PTPRM: variants seen among roughly 807,000 people sequenced by gnomAD.
PTPRM encodes the protein receptor-type tyrosine-protein phosphatase mu.
In PTPRM, 47 loss-of-function variants were observed where a neutral mutation model predicts 186.7. The ratio of observed to expected loss-of-function variants is 0.25; its 90% CI spans 0.20 to 0.32. The LOEUF (loss-of-function observed/expected upper bound fraction) is 0.32. PTPRM is among the 10% of genes least tolerant of loss of function. PTPRM has a pLI of 1.00. For missense variants in PTPRM, 1,494 were observed against 1,865.0 expected, an observed-to-expected ratio of 0.80 and a Z score of 3.66; for synonymous variants, 668 against 674.9, an observed-to-expected ratio of 0.99 and a Z score of 0.16.
rs1224345984 is a variant in PTPRM, at chr18:8,143,722, C to T, written c.2243C>T (p.Ala748Val). 9 of 1,613,860 alleles carry T rather than the reference C, an allele frequency of 5.6e-6. No homozygotes were observed. The highest frequency in any genetic ancestry group is 1.7e-5 in the Admixed American group (1 of 60,014). The part of the protein sequence containing the change: ...DHTVKIAGVI[A>V]GILLFVIIFL... ...ACAGTTAAAATTGCTGGAGTCATCG[C>T]GGGCATCTTGCTGTTCGTGATTATA... Residue 748 changes from alanine (A) to valine (V), a missense_variant, in exon 14 of 33, where the codon GCG becomes GTG. This residue lies in a region of PTPRM where 1,107 missense variants were observed against 1,350.2 expected (regional missense o/e 0.82). Transcript: ENST00000580170.
At chr18:8,296,009 G>GA (rs2095093129) in intron 19 of PTPRM, among the ~76,000 whole-genome samples, 1 of 152,064 alleles carries the variant, frequency 6.6e-6, no homozygotes, top group South Asian at 2.1e-4. Flanking sequence ...CAAGAATATT[G>GA]AAAAATGACA....
chr18:8,317,285 G>A (rs1323538870), intron 21 of PTPRM, among the ~76,000 whole-genome samples: 2 of 152,094 alleles, frequency 1.3e-5, no homozygotes, highest in Non-Finnish European at 1.5e-5. Context: ...TTGGCTACGG[G>A]GTTCAGGAGG....
At chr18:7,849,051 G>A (rs983642140) in intron 2 of PTPRM, among the ~76,000 whole-genome samples, 3 of 152,136 alleles carry the variant, frequency 2.0e-5, no homozygotes, top group African/African-American at 2.4e-5. Context: ...ACAGGGGAAC[G>A]CATAGCAAAT....
chr18:8,400,636 C>T (rs1002432977), intron 32 of PTPRM, among the ~76,000 whole-genome samples: 4 of 152,188 alleles, frequency 2.6e-5, no homozygotes, highest in Admixed American at 1.3e-4. Flanking sequence ...TACTCCAGAG[C>T]CAGGCCCCAT....
At chr18:8,240,550 GAAAGAAGGAAAGAAAGAAAGA>G (rs1202369304) in intron 14 of PTPRM, among the ~76,000 whole-genome samples, 1 of 114,976 alleles carries the variant, frequency 8.7e-6, no homozygotes, top group Non-Finnish European at 1.8e-5. Context: ...AGGAAGGAAG[GAAAGAAGGAAAGAAAGAAAGA>G]AATTGAAAGT....
chr18:7,703,897 T>C (rs1455697829), intron 1 of PTPRM, among the ~76,000 whole-genome samples: 2 of 152,230 alleles, frequency 1.3e-5, no homozygotes, highest in Non-Finnish European at 2.9e-5. Context: ...TGTTGAATTT[T>C]ATCAAAGGCT....
chr18:7,577,065 A>C (rs929669339), intron 1 of PTPRM, among the ~76,000 whole-genome samples: 1 of 152,098 alleles, frequency 6.6e-6, no homozygotes, highest in Non-Finnish European at 1.5e-5. Context: ...AAATCAAATA[A>C]CTTATGCTTA....
intron 7 of PTPRM, among the ~76,000 whole-genome samples, chr18:8,015,591 T>G (rs750289080): frequency 3.9e-5 from 6 of 152,196 alleles, no homozygotes; most frequent in Non-Finnish European, 8.8e-5. Flanking sequence ...TTGATAGGGC[T>G]TACTATACTT....
chr18:8,052,556 G>A (rs2087584571), intron 7 of PTPRM, among the ~76,000 whole-genome samples: 1 of 152,102 alleles, frequency 6.6e-6, no homozygotes, highest in African/African-American at 2.4e-5. Flanking sequence ...GTTTGGGTAA[G>A]TGCACTCTAT....
At chr18:8,219,905 T>C (rs569878984) in intron 14 of PTPRM, among the ~76,000 whole-genome samples, 1 of 152,230 alleles carries the variant, frequency 6.6e-6, no homozygotes, top group Non-Finnish European at 1.5e-5. Flanking sequence ...CCACAAAGAG[T>C]ATGTTTAGTC....
intron 14 of PTPRM, among the ~76,000 whole-genome samples, chr18:8,190,896 G>T (rs564380167): frequency 6.6e-6 from 1 of 152,164 alleles, no homozygotes; most frequent in East Asian, 1.9e-4. Flanking sequence ...AAAAAATTGT[G>T]TGTTGGGGAG....
intron 2 of PTPRM, among the ~76,000 whole-genome samples, chr18:7,848,664 G>T (rs140167880): frequency 6.6e-6 from 1 of 152,066 alleles, no homozygotes; most frequent in Non-Finnish European, 1.5e-5. Flanking sequence ...TCAGGAAGCT[G>T]GGACAGGAGG....
At position 7,666,083 on chromosome 18, in the gene PTPRM, G is replaced by A. The variant is rs1298570806; in HGVS notation, c.73+98192G>A. ...TCATAAAATATTTTAAAGACATATC[G>A]TTAGAATACATTTCATTTAATAAAG... On this transcript the variant is annotated intron_variant, in intron 1 of 32. Coordinates refer to ENST00000580170, the MANE Select transcript of PTPRM (RefSeq NM_001105244.2). 3.9e-5 allele frequency among the ~76,000 whole-genome samples: 6 copies of A among 152,202 alleles called. No individual in the cohort carries two copies. The East Asian group carries it at 7.7e-4, about 20-fold the overall frequency.
chr18:8,003,181 G>A (rs997561606), intron 7 of PTPRM, among the ~76,000 whole-genome samples: 4 of 152,134 alleles, frequency 2.6e-5, no homozygotes, highest in African/African-American at 7.2e-5. Flanking sequence ...TAATTGAATC[G>A]TGGTGGTTTC....
chr18:7,642,169 A>T (rs1023692117), intron 1 of PTPRM, among the ~76,000 whole-genome samples: 2 of 152,190 alleles, frequency 1.3e-5, no homozygotes, highest in South Asian at 2.1e-4. Context: ...AAATTGTACC[A>T]AAATAGAGAG....
At chr18:8,245,115 A>G (rs1485857460) in intron 15 of PTPRM, among the ~76,000 whole-genome samples, 1 of 152,140 alleles carries the variant, frequency 6.6e-6, no homozygotes, top group Admixed American at 6.6e-5. Context: ...AGCAGTTTGG[A>G]CGGTGTGGGC....
chr18:8,288,552 A>C (rs1243312848), intron 19 of PTPRM, among the ~76,000 whole-genome samples: 6 of 152,198 alleles, frequency 3.9e-5, no homozygotes, highest in Admixed American at 1.3e-4. Flanking sequence ...GAGCCACCTT[A>C]TTCTGCGTCA....
intron 9 of PTPRM, among the ~76,000 whole-genome samples, chr18:8,079,587 C>A (rs2145172346): frequency 6.6e-6 from 1 of 152,152 alleles, no homozygotes; most frequent in African/African-American, 2.4e-5. Flanking sequence ...TCAAACCCAG[C>A]ATTTTATTAC....
intron 5 of PTPRM, among the ~76,000 whole-genome samples, chr18:7,937,546 C>T (rs1029878692): frequency 2.6e-5 from 4 of 152,208 alleles, no homozygotes; most frequent in South Asian, 2.1e-4. Flanking sequence ...GTCAGCCGAG[C>T]GCAGCCTGCC....
Sources: gnomAD v4.1 joint callset for allele counts (sites outside exome capture counted in the v4.1 genomes callset) on GRCh38, gnomAD v4.1.1 for gene constraint, gnomAD v4.1.1 regional missense constraint, MANE v1.5 for transcripts, NCBI Gene and HGNC (gene_info 2026-07-23, HGNC 2026-07-21) for gene names.